SYTL4: variants seen among roughly 807,000 people sequenced by gnomAD.
SYTL4 encodes the protein synaptotagmin like 4, also known as synaptotagmin-like protein 4.
Under a neutral mutation model 52.7 loss-of-function variants are expected in SYTL4, and 16 were observed. That is an observed-to-expected ratio of 0.30 (90% CI 0.21 to 0.46). The LOEUF (loss-of-function observed/expected upper bound fraction) is 0.46, where lower values mean the gene tolerates loss of function less well. Ranked by LOEUF, SYTL4 falls within the 20% of genes least tolerant of loss-of-function variation. The pLI is 1.00. For synonymous variants in SYTL4, 160 were observed against 186.6 expected (o/e 0.86, Z 1.16); for missense variants, 423 against 519.9 (o/e 0.81, Z 1.81).
chrX:100,724,078 G>A (rs1428372152), intron 2 of SYTL4, among the ~76,000 whole-genome samples: 72 of 94,472 alleles, frequency 7.6e-4, no homozygotes, highest in Admixed American at 1.4e-3. Context: ...GCCTCTGCCC[G>A]GCCGCCCCTG....
intron 15 of SYTL4, 45 bp downstream of exon 15, chrX:100,686,634 A>G: frequency 9.8e-7 from 1 of 1,019,819 alleles, no homozygotes; most frequent in Non-Finnish European, 1.4e-6. Flanking sequence ...AGCTTAGGGC[A>G]CAAGACAGAA....
intron 16 of SYTL4, 117 bp from the exon 17 acceptor site, chrX:100,681,452 C>A: frequency 2.0e-6 from 1 of 510,434 alleles, no homozygotes; most frequent in East Asian, 3.6e-5. Flanking sequence ...AAAAGAGGAT[C>A]CTTCTTCATA....
chrX:100,717,058 GCA>G (rs760603777), intron 2 of SYTL4, among the ~76,000 whole-genome samples: 18 of 111,601 alleles, frequency 1.6e-4, no homozygotes, highest in Middle Eastern at 4.6e-3. Flanking sequence ...TTGAATGTGT[GCA>G]CAGTTTCAGG....
chrX:100,683,602 A>T (rs2083422449), intron 16 of SYTL4, among the ~76,000 whole-genome samples: 2 of 111,880 alleles, frequency 1.8e-5, no homozygotes, highest in Admixed American at 1.9e-4. Flanking sequence ...GGGAAAACTG[A>T]ATAGGAGCAA....
chrX:100,709,689 A>C (rs1278394880), intron 2 of SYTL4, among the ~76,000 whole-genome samples: 5 of 112,488 alleles, frequency 4.4e-5, no homozygotes, highest in African/African-American at 1.6e-4. Flanking sequence ...TAAAGATTAA[A>C]TGAGTTTTTA....
intron 16 of SYTL4, chrX:100,684,590 T>C (rs1423505926): frequency 9.1e-6 from 1 of 110,136 alleles, no homozygotes; most frequent in Non-Finnish European, 1.9e-5. Flanking sequence ...AAAAAAAATG[T>C]GTACAATGAG....
At chrX:100,718,551 C>A (rs2084273999) in intron 2 of SYTL4, among the ~76,000 whole-genome samples, 1 of 110,839 alleles carries the variant, frequency 9.0e-6, no homozygotes, top group Non-Finnish European at 1.9e-5. Context: ...AGACCCTCAC[C>A]TGTCCATCCA....
intron 8 of SYTL4, among the ~76,000 whole-genome samples, chrX:100,695,474 A>C (rs982258307): frequency 1.5e-4 from 17 of 111,373 alleles, no homozygotes; most frequent in African/African-American, 4.9e-4. Flanking sequence ...CAGATGTGTT[A>C]ATCAGGTTCA....
At chrX:100,677,535 G>C (rs959660317) in intron 19 of SYTL4, among the ~76,000 whole-genome samples, 1 of 111,855 alleles carries the variant, frequency 8.9e-6, no homozygotes, top group African/African-American at 3.3e-5. Context: ...CAAGTGCAGA[G>C]ACTAGGGAGA....
At chrX:100,683,727 C>T (rs2083424960) in intron 16 of SYTL4, among the ~76,000 whole-genome samples, 1 of 112,384 alleles carries the variant, frequency 8.9e-6, no homozygotes, top group Non-Finnish European at 1.9e-5. Flanking sequence ...AAAATGTCTA[C>T]ACAATTTATT....
intron 2 of SYTL4, among the ~76,000 whole-genome samples, chrX:100,715,945 C>CAAA (rs769194042): frequency 1.9e-5 from 1 of 53,566 alleles, no homozygotes; most frequent in South Asian, 1.2e-3. Context: ...CTCTCTCTCT[C>CAAA]AAAAAAAAAA....
intron 8 of SYTL4, among the ~76,000 whole-genome samples, chrX:100,697,957 C>G (rs747950171): frequency 4.2e-4 from 46 of 110,694 alleles, no homozygotes; most frequent in African/African-American, 1.4e-3. Context: ...AATAATAAAA[C>G]AGAAAGAAAA....
chrX:100,689,133 G>A (rs978614303), intron 12 of SYTL4, among the ~76,000 whole-genome samples: 1 of 102,402 alleles, frequency 9.8e-6, no homozygotes, highest in East Asian at 3.0e-4. Flanking sequence ...AGCACTTTGG[G>A]AGGCAGAGGC....
At chrX:100,709,963 T>A (rs1363289463) in intron 2 of SYTL4, among the ~76,000 whole-genome samples, 1 of 111,664 alleles carries the variant, frequency 9.0e-6, no homozygotes, top group African/African-American at 3.3e-5. Flanking sequence ...CATGGATGAA[T>A]TTATAGTGAT....
intron 2 of SYTL4, among the ~76,000 whole-genome samples, chrX:100,718,053 TC>T (rs1211211708): frequency 8.9e-6 from 1 of 112,002 alleles, no homozygotes; most frequent in Non-Finnish European, 1.9e-5. Context: ...TAATAAGAGC[TC>T]CTGCCTATGG....
intron 2 of SYTL4, among the ~76,000 whole-genome samples, chrX:100,722,620 G>A (rs776999567): frequency 9.0e-6 from 1 of 110,686 alleles, no homozygotes; most frequent in South Asian, 4.0e-4. Flanking sequence ...CTATTAATTA[G>A]TCCCTCCTTC....
chrX:100,680,780 C>T (rs1251579367), intron 17 of SYTL4, among the ~76,000 whole-genome samples: 1 of 111,843 alleles, frequency 8.9e-6, no homozygotes, highest in Non-Finnish European at 1.9e-5. Context: ...ACATGACTGT[C>T]TTTCTTGCAA....
intron 17 of SYTL4, 120 bp from the exon 18 acceptor site, chrX:100,679,532 G>A (rs754393467): frequency 1.3e-4 from 70 of 525,069 alleles, no homozygotes; most frequent in Non-Finnish European, 2.0e-4. Context: ...TAACAGAACC[G>A]TGCCTGTCCT....
In SYTL4 at chrX:100,715,510, G is replaced by A. The variant is rs1487622946; in HGVS notation, c.-239-10624C>T. 2.7e-5 allele frequency among the ~76,000 whole-genome samples: 3 copies of A among 111,702 alleles called. No homozygotes were observed. The East Asian group carries it at 8.3e-4, about 31-fold the overall frequency. Reference sequence around the variant, plus strand: ...GCCATATATTTTCATGATTCTGCTTGCATAGAGATATGATGTATGTTAATT... The same window carrying A: ...GCCATATATTTTCATGATTCTGCTTACATAGAGATATGATGTATGTTAATT... On this transcript the variant is annotated intron_variant, in intron 2 of 19. Transcript: ENST00000372989.
Sources: gnomAD v4.1 joint callset for allele counts (sites outside exome capture counted in the v4.1 genomes callset) on GRCh38, gnomAD v4.1.1 for gene constraint, MANE v1.5 for transcripts, NCBI Gene and HGNC (gene_info 2026-07-23, HGNC 2026-07-21) for gene names.